Variants in GAB2 observed in about 807,000 individuals in gnomAD.
GAB2 encodes GRB2-associated-binding protein 2.
In GAB2, 26 loss-of-function variants were observed where a neutral mutation model predicts 65.5. The ratio of observed to expected loss-of-function variants is 0.40; its 90% CI spans 0.29 to 0.55. The LOEUF (loss-of-function observed/expected upper bound fraction) is 0.55, where lower values mean the gene tolerates loss of function less well. GAB2 is among the 20% of genes least tolerant of loss of function. GAB2 has a pLI of 0.53. For synonymous variants in GAB2, 321 were observed against 329.6 expected, an observed-to-expected ratio of 0.97 and a Z score of 0.28; for missense variants, 884 against 875.8, an observed-to-expected ratio of 1.01 and a Z score of -0.12.
chr11:78,267,609 A>C (rs1018046306), intron 2 of GAB2, among the ~76,000 whole-genome samples: 4 of 152,142 alleles, frequency 2.6e-5, no homozygotes, highest in African/African-American at 9.7e-5. Context: ...CTGTAATCCC[A>C]GCACTTTGGG....
chr11:78,414,269 C>T (rs1857166036), intron 1 of GAB2, among the ~76,000 whole-genome samples: 2 of 151,820 alleles, frequency 1.3e-5, no homozygotes, highest in Non-Finnish European at 2.9e-5. Flanking sequence ...TTTCTGTTTA[C>T]TGGATTTTTA....
At chr11:78,378,174 G>C (rs1043477756) in intron 1 of GAB2, among the ~76,000 whole-genome samples, 1 of 152,188 alleles carries the variant, frequency 6.6e-6, no homozygotes, top group African/African-American at 2.4e-5. Context: ...TTGCCTTTTA[G>C]GTTACAGAGA....
At chr11:78,400,428 C>T (rs1368506479) in intron 1 of GAB2, among the ~76,000 whole-genome samples, 5 of 152,198 alleles carry the variant, frequency 3.3e-5, no homozygotes, top group Non-Finnish European at 5.9e-5. Flanking sequence ...GGGATGAGTA[C>T]TGATTTATTA....
chr11:78,284,541 G>A (rs1460006757), intron 1 of GAB2, among the ~76,000 whole-genome samples: 4 of 152,138 alleles, frequency 2.6e-5, no homozygotes, highest in East Asian at 1.9e-4. Context: ...AGTGCCAGGC[G>A]TGCTCCTGCC....
At chr11:78,264,599 G>C (rs556322963) in intron 2 of GAB2, among the ~76,000 whole-genome samples, 1 of 151,770 alleles carries the variant, frequency 6.6e-6, no homozygotes, top group Non-Finnish European at 1.5e-5. Flanking sequence ...TAGTGTCGGG[G>C]TTTCGCCATG....
chr11:78,224,952 G>T (rs1864579406), intron 5 of GAB2, among the ~76,000 whole-genome samples, 156 bp downstream of exon 5: 1 of 152,174 alleles, frequency 6.6e-6, no homozygotes, highest in Non-Finnish European at 1.5e-5. Flanking sequence ...CTTGTCCAAA[G>T]ACTCAACGCA....
At chr11:78,257,773 T>C (rs1865631017) in intron 2 of GAB2, among the ~76,000 whole-genome samples, 1 of 152,028 alleles carries the variant, frequency 6.6e-6, no homozygotes, top group Non-Finnish European at 1.5e-5. Flanking sequence ...GCACCTATTA[T>C]GTGCCTCTAG....
intron 1 of GAB2, among the ~76,000 whole-genome samples, chr11:78,411,330 T>A (rs182310031): frequency 6.6e-6 from 1 of 152,250 alleles, no homozygotes. Flanking sequence ...AGCAAGACTT[T>A]CTTTTTTTTG....
intron 1 of GAB2, among the ~76,000 whole-genome samples, chr11:78,288,444 C>A (rs1293488952): frequency 6.8e-5 from 10 of 146,726 alleles, no homozygotes; most frequent in Admixed American, 6.8e-4. Flanking sequence ...AAAAAATCTA[C>A]AACAAAACCC....
chr11:78,287,796 G>T (rs1219416731), intron 1 of GAB2, among the ~76,000 whole-genome samples: 1 of 142,754 alleles, frequency 7.0e-6, no homozygotes, highest in Non-Finnish European at 1.5e-5. Context: ...TTACAGGTGT[G>T]CACTGCCACA....
At chr11:78,309,237 T>C (rs1382563757) in intron 1 of GAB2, among the ~76,000 whole-genome samples, 1 of 152,148 alleles carries the variant, frequency 6.6e-6, no homozygotes, top group African/African-American at 2.4e-5. Flanking sequence ...AAAATTGAGA[T>C]ATGATTCACA....
intron 1 of GAB2, among the ~76,000 whole-genome samples, chr11:78,414,872 GT>G (rs1181386322): frequency 1.3e-5 from 2 of 152,078 alleles, no homozygotes; most frequent in African/African-American, 2.4e-5. Flanking sequence ...AATTAAGTAA[GT>G]TTTTTTGTTT....
chr11:78,258,605 G>GT (rs34113792), intron 2 of GAB2, among the ~76,000 whole-genome samples: 40,059 of 147,502 alleles, frequency 0.27, 6,497 homozygotes, highest in African/African-American at 0.45. Flanking sequence ...TTAATTTTCT[G>GT]TTTTTTTTTT....
rs199623116 is a variant in GAB2, at chr11:78,280,678, T to G, written c.299A>C (p.Glu100Ala). 1 of 1,614,116 alleles carries G rather than the reference T, an allele frequency of 6.2e-7. No individual in the cohort carries two copies. The highest frequency in any genetic ancestry group is 1.3e-5 in the African/African-American group (1 of 75,030). ...CCACTTATTCATGTCCTCTTCTGTC[T>G]CAGCCACCAGGTAAAAGGTGCGTTC... ...TSERTFYLVA[E>A]TEEDMNKWVQ... The change falls in exon 2 of 10, where the codon GAG becomes GCG. Residue 100 changes from glutamate to alanine, a missense_variant. Transcript: ENST00000361507.
At chr11:78,330,171 G>C (rs547382928) in intron 1 of GAB2, among the ~76,000 whole-genome samples, 1 of 152,268 alleles carries the variant, frequency 6.6e-6, no homozygotes, top group East Asian at 1.9e-4. Context: ...TGGATCACCA[G>C]TGGTGTCCTA....
At chr11:78,250,099 A>G in intron 3 of GAB2, 58 bp downstream of exon 3, 1 of 1,570,166 alleles carries the variant, frequency 6.4e-7, no homozygotes, top group Admixed American at 1.7e-5. Context: ...AAGGACTGAA[A>G]AGTACTAGGC....
At chr11:78,382,657 T>C (rs1332182401) in intron 1 of GAB2, among the ~76,000 whole-genome samples, 2 of 152,158 alleles carry the variant, frequency 1.3e-5, no homozygotes, top group Non-Finnish European at 2.9e-5. Context: ...TGGAAAGCAA[T>C]GCATTCCTTC....
intron 2 of GAB2, among the ~76,000 whole-genome samples, chr11:78,258,083 T>C (rs1203904246): frequency 6.6e-6 from 1 of 152,222 alleles, no homozygotes; most frequent in Non-Finnish European, 1.5e-5. Context: ...CCATTTCATC[T>C]TCCCAAGCCT....
At chr11:78,367,466 A>T (rs924318999) in intron 1 of GAB2, among the ~76,000 whole-genome samples, 2 of 152,202 alleles carry the variant, frequency 1.3e-5, no homozygotes, top group African/African-American at 2.4e-5. Context: ...GCTAGGCAGA[A>T]ATTTGGGCCC....
Sources: allele counts gnomAD v4.1 joint callset (sites outside exome capture counted in the v4.1 genomes callset), GRCh38; gene constraint gnomAD v4.1.1; transcripts MANE v1.5; gene names NCBI Gene and HGNC (gene_info 2026-07-23, HGNC 2026-07-21).